KLRG1: variants seen among roughly 807,000 people sequenced by gnomAD.
KLRG1 encodes the protein killer cell lectin like receptor G1.
A neutral mutation model predicts 21.8 loss-of-function variants in KLRG1; 16 were observed. That is an observed-to-expected ratio of 0.73 (90% CI 0.50 to 1.11). KLRG1 has a LOEUF of 1.11. Among genes scored for constraint, KLRG1 ranks in the 50% most tolerant of loss-of-function variants. The pLI is 0.00. For missense variants in KLRG1, 173 were observed against 218.3 expected (o/e 0.79, Z 1.31); for synonymous variants, 69 against 75.9 (o/e 0.91, Z 0.47).
At chr12:9,183,542 G>A in the KLRG1 span, among the ~76,000 whole-genome samples, 1 of 152,086 alleles carries the variant, frequency 6.6e-6, no homozygotes, top group African/African-American at 2.4e-5. Context: ...TGGGACTATA[G>A]GTGCACAACA....
At chr12:9,029,033 TC>T in the KLRG1 span, 2 of 567,868 alleles carry the variant, frequency 3.5e-6, no homozygotes, top group Non-Finnish European at 6.6e-6. Context: ...AGCTCAACCA[TC>T]CAATGAAGAG....
At chr12:9,126,056 G>T in the KLRG1 span, among the ~76,000 whole-genome samples, 1 of 152,134 alleles carries the variant, frequency 6.6e-6, no homozygotes, top group Non-Finnish European at 1.5e-5. Flanking sequence ...ATAAGTTCGT[G>T]TACTTTATTC....
the KLRG1 span, among the ~76,000 whole-genome samples, chr12:9,017,629 G>A: frequency 2.6e-5 from 4 of 152,194 alleles, no homozygotes; most frequent in East Asian, 1.9e-4. Flanking sequence ...AATAAAAGCC[G>A]TATATGAGAC....
intron 3 of KLRG1, among the ~76,000 whole-genome samples, chr12:8,995,707 G>A (rs1947110042): frequency 6.8e-6 from 1 of 147,540 alleles, no homozygotes; most frequent in Admixed American, 6.8e-5. Context: ...TTTTTTGACA[G>A]AGTCTCCCTC....
the KLRG1 span, chr12:9,192,676 CA>C: frequency 3.1e-6 from 5 of 1,613,966 alleles, no homozygotes; most frequent in Non-Finnish European, 8.5e-7. Flanking sequence ...GTGTGCTGAG[CA>C]CCCTGGTGGT....
At chr12:9,185,737 G>A in the KLRG1 span, among the ~76,000 whole-genome samples, 1 of 151,010 alleles carries the variant, frequency 6.6e-6, no homozygotes, top group Non-Finnish European at 1.5e-5. Context: ...CTAATGGTGG[G>A]CCTCTTAGCA....
the KLRG1 span, chr12:9,203,755 C>T: frequency 1.2e-6 from 2 of 1,613,716 alleles, no homozygotes; most frequent in Non-Finnish European, 1.7e-6. Flanking sequence ...CCAGCTGGCA[C>T]CGTAGCACTC....
the KLRG1 span, chr12:9,192,117 C>T: frequency 7.9e-7 from 1 of 1,268,230 alleles, no homozygotes; most frequent in Non-Finnish European, 1.1e-6. Context: ...AACGATTTCC[C>T]ATTTATGAAC....
chr12:8,989,603 C>T lies in KLRG1; in HGVS notation c.-33C>T. 7.2e-7 allele frequency: 1 copy of T among 1,392,564 alleles called. No homozygotes were observed. The highest frequency in any genetic ancestry group is 1.0e-6 in the Non-Finnish European group (1 of 982,076). 86.3% of individuals were successfully genotyped at this position (1,392,564 alleles called of 1,614,324 possible). A position where few individuals can be genotyped will look rare whatever the true frequency, so the allele number is the denominator to read the frequency against. On this transcript the variant is annotated 5_prime_UTR_variant, in exon 1 of 5. Coordinates refer to ENST00000356986, the MANE Select transcript of KLRG1 (RefSeq NM_005810.4). ...CCCTTCACACTTCTATAATTTAACT[C>T]TCTCAACTGCATGTGAAAGATCTTA...
chr12:9,017,510 A>G, the KLRG1 span, among the ~76,000 whole-genome samples: 1 of 152,198 alleles, frequency 6.6e-6, no homozygotes, highest in Non-Finnish European at 1.5e-5. Context: ...TGAAGAACAA[A>G]AACCATGTGA....
the KLRG1 span, among the ~76,000 whole-genome samples, chr12:9,109,142 G>T: frequency 7.6e-4 from 116 of 152,172 alleles, no homozygotes; most frequent in African/African-American, 2.8e-3. Context: ...TGATAAGAAC[G>T]TGAAAGAAAA....
the KLRG1 span, among the ~76,000 whole-genome samples, chr12:9,173,397 C>T: frequency 2.0e-5 from 3 of 152,138 alleles, no homozygotes; most frequent in African/African-American, 7.2e-5. Context: ...AACAACCTAA[C>T]ATCTCAACTA....
the KLRG1 span, among the ~76,000 whole-genome samples, chr12:9,183,903 T>C: frequency 6.6e-6 from 1 of 152,182 alleles, no homozygotes; most frequent in East Asian, 1.9e-4. Flanking sequence ...AAGGCAGTGT[T>C]ATGCCATTCA....
the KLRG1 span, among the ~76,000 whole-genome samples, chr12:9,215,230 C>G: frequency 5.3e-5 from 8 of 151,808 alleles, no homozygotes; most frequent in Non-Finnish European, 7.4e-5. Context: ...AACAATGGAC[C>G]CTTGAATTGA....
chr12:8,969,532 G>C (rs1428477322), intron 1 of KLRG1, among the ~76,000 whole-genome samples: 1 of 150,466 alleles, frequency 6.6e-6, no homozygotes, highest in African/African-American at 2.5e-5. Context: ...TTTTATTTTA[G>C]TTAAAAAAAA....
At chr12:8,970,111 G>A (rs1238446789) in intron 1 of KLRG1, among the ~76,000 whole-genome samples, 1 of 152,178 alleles carries the variant, frequency 6.6e-6, no homozygotes. Flanking sequence ...GGGAGACCTT[G>A]TCTCAAAAAA....
chr12:9,130,544 G>A, the KLRG1 span, among the ~76,000 whole-genome samples: 13 of 152,082 alleles, frequency 8.5e-5, no homozygotes, highest in African/African-American at 2.9e-4. Flanking sequence ...TTTCTCTGGT[G>A]ATTAGTAATG....
At chr12:9,148,456 A>G in the KLRG1 span, among the ~76,000 whole-genome samples, 1 of 151,838 alleles carries the variant, frequency 6.6e-6, no homozygotes, top group Non-Finnish European at 1.5e-5. Context: ...CTTCACTCTC[A>G]TCTCTTTATT....
At chr12:9,172,796 A>G in the KLRG1 span, among the ~76,000 whole-genome samples, 4 of 152,244 alleles carry the variant, frequency 2.6e-5, no homozygotes, top group Admixed American at 6.5e-5. Context: ...ATATATATGC[A>G]TCCAATACAG....
Sources: allele counts gnomAD v4.1 joint callset (sites outside exome capture counted in the v4.1 genomes callset), GRCh38; gene constraint gnomAD v4.1.1; transcripts MANE v1.5; gene names NCBI Gene and HGNC (gene_info 2026-07-23, HGNC 2026-07-21).